CENPC: variants seen among roughly 807,000 people sequenced by gnomAD.
CENPC encodes the protein centromere protein C.
CENPC carries 63 observed loss-of-function variants against 112.1 expected under a neutral mutation model. The ratio of observed to expected loss-of-function variants is 0.56; its 90% CI spans 0.46 to 0.69. The LOEUF is 0.69. Ranked by LOEUF, CENPC falls within the 30% of genes least tolerant of loss-of-function variation. CENPC has a pLI of 0.00. For synonymous variants in CENPC, 333 were observed against 367.6 expected, an observed-to-expected ratio of 0.91 and a Z score of 1.08; for missense variants, 1,000 against 1,103.8, an observed-to-expected ratio of 0.91 and a Z score of 1.33.
intron 12 of CENPC, among the ~76,000 whole-genome samples, chr4:67,497,168 A>C (rs1039789761): frequency 6.6e-6 from 1 of 152,056 alleles, no homozygotes; most frequent in Non-Finnish European, 1.5e-5. Context: ...TCAGGAGGTC[A>C]GGAGTTCGAG....
intron 5 of CENPC, among the ~76,000 whole-genome samples, chr4:67,521,963 T>C (rs1726241535): frequency 6.6e-6 from 1 of 152,156 alleles, no homozygotes; most frequent in African/African-American, 2.4e-5. Flanking sequence ...ATGGGTACAG[T>C]GTTTCAGTTG....
At chr4:67,532,743 G>A (rs1481519869) in intron 4 of CENPC, among the ~76,000 whole-genome samples, 1 of 151,694 alleles carries the variant, frequency 6.6e-6, no homozygotes, top group Non-Finnish European at 1.5e-5. Context: ...ACCAGGGCCT[G>A]CTGGGGGGTA....
chr4:67,501,714 C>T (rs946926985), intron 12 of CENPC, among the ~76,000 whole-genome samples: 4 of 152,080 alleles, frequency 2.6e-5, no homozygotes, highest in African/African-American at 9.7e-5. Context: ...GTAGTTATAT[C>T]CTTGTCTTGC....
intron 4 of CENPC, among the ~76,000 whole-genome samples, chr4:67,535,605 A>G (rs1726695411): frequency 6.6e-6 from 1 of 152,178 alleles, no homozygotes; most frequent in Admixed American, 6.6e-5. Flanking sequence ...TCAAGAGAAA[A>G]TTAAGAACTG....
chr4:67,540,692 T>C (rs764931182), intron 3 of CENPC, among the ~76,000 whole-genome samples: 11 of 152,082 alleles, frequency 7.2e-5, no homozygotes, highest in Admixed American at 2.0e-4. Context: ...AATAATAAAA[T>C]ACTTTTTCTT....
intron 12 of CENPC, among the ~76,000 whole-genome samples, chr4:67,499,640 T>C (rs949257380): frequency 1.3e-5 from 2 of 152,204 alleles, no homozygotes; most frequent in African/African-American, 4.8e-5. Flanking sequence ...CTGAAACCTC[T>C]ATATCAGCAG....
At chr4:67,542,856 T>C (rs944949305) in intron 2 of CENPC, among the ~76,000 whole-genome samples, 1 of 152,198 alleles carries the variant, frequency 6.6e-6, no homozygotes, top group African/African-American at 2.4e-5. Flanking sequence ...TGCTATTACC[T>C]GTTTCAAGGA....
Position 67,504,067 on chromosome 4 carries a change from G to T in CENPC, c.2131+1138C>A, listed in dbSNP as rs983160208. ...TTCTTACTCAAGATAATATAGTGATGCTTCCCGATCAGTGGTGAATGGGGC... is the reference window on the plus strand; with the variant it reads ...TTCTTACTCAAGATAATATAGTGATTCTTCCCGATCAGTGGTGAATGGGGC... On this transcript the variant is annotated intron_variant, in intron 12 of 18. Coordinates refer to ENST00000273853, the MANE Select transcript of CENPC (RefSeq NM_001812.4). Among the ~76,000 whole-genome samples the T allele has an allele frequency of 1.0e-4, 14 of 136,348 alleles. No homozygotes were observed. The Admixed American group carries it at 1.2e-3, about 11-fold the overall frequency. 89.4% of individuals were successfully genotyped at this position (136,348 alleles called of 152,430 possible). A position where few individuals can be genotyped will look rare whatever the true frequency, so the allele number is the denominator to read the frequency against.
intron 6 of CENPC, among the ~76,000 whole-genome samples, chr4:67,518,902 A>G (rs1726137114): frequency 6.6e-6 from 1 of 152,186 alleles, no homozygotes; most frequent in Non-Finnish European, 1.5e-5. Flanking sequence ...GACCTGATAC[A>G]CATCTACACT....
In CENPC at chr4:67,545,454, G is replaced by A. The variant is rs1727008316; in HGVS notation, c.-99C>T. 1.2e-5 allele frequency: 16 copies of A among 1,304,180 alleles called. No individual in the cohort carries two copies. Among genetic ancestry groups the A allele is most frequent in the Admixed American group, 2.8e-5 (1 of 35,088 alleles). The allele number at this position is 1,304,180 out of a possible 1,614,324, so 80.8% of individuals were successfully genotyped here. On this transcript the variant is annotated 5_prime_UTR_variant, in exon 1 of 19. Transcript: ENST00000273853. ...CAAGAAACGAATCGCCGGAATACCA[G>A]GCCGCGGCCAAGCAATAACCTTAAG...
chr4:67,492,186 G>T lies in CENPC; in HGVS notation c.2509C>A (p.Leu837Ile). The T allele has an allele frequency of 6.4e-7, 1 of 1,553,088 alleles. No homozygotes were observed. Among genetic ancestry groups the T allele is most frequent in the Admixed American group, 1.9e-5 (1 of 52,284 alleles). Residue 837 changes from leucine (L) to isoleucine (I), a missense_variant, in exon 16 of 19, where the codon CTC becomes ATC. Leu to Ile is a conservative substitution (Grantham distance 5). Transcript: ENST00000273853. The part of the protein sequence containing the change: ...VKDPETREII[L>I]MDLVRPQDTY... The stretch of plus-strand genomic sequence containing the variant: ...GTATCATGCCTGATCTTACCCATGA[G>T]AATAATCTCTCTTGTTTCTGGGTCC...
intron 5 of CENPC, among the ~76,000 whole-genome samples, chr4:67,530,140 G>A (rs1726502427): frequency 6.6e-6 from 1 of 152,044 alleles, no homozygotes; most frequent in African/African-American, 2.4e-5. Flanking sequence ...TCTAAGTTGG[G>A]ATAAGACAGA....
rs935774499 is a variant in CENPC, at chr4:67,487,866, G to A, written c.2670+2101C>T. On this transcript the variant is annotated intron_variant, in intron 17 of 18. Transcript: ENST00000273853. ...AAATATTCTCTAGCAGTGTTTGAAAGAGAGTTAATGGCCTATGCTGGTTCT... is the reference window on the plus strand; with the variant it reads ...AAATATTCTCTAGCAGTGTTTGAAAAAGAGTTAATGGCCTATGCTGGTTCT... Among the ~76,000 whole-genome samples the A allele has an allele frequency of 1.1e-4, 16 of 151,550 alleles. 1 individual carries two copies. The highest frequency in any genetic ancestry group is 3.7e-4 in the African/African-American group (15 of 41,046).
chr4:67,478,657 CA>C (rs1724871605), intron 17 of CENPC, among the ~76,000 whole-genome samples: 35 of 151,518 alleles, frequency 2.3e-4, no homozygotes, highest in Admixed American at 7.2e-4. Flanking sequence ...CACACACACA[CA>C]CACACACACC....
chr4:67,529,642 A>G (rs1726487644), intron 5 of CENPC, among the ~76,000 whole-genome samples: 1 of 152,130 alleles, frequency 6.6e-6, no homozygotes, highest in Non-Finnish European at 1.5e-5. Context: ...TAACATTTTT[A>G]TAAGAAAGAA....
At position 67,490,837 on chromosome 4, in the gene CENPC, A is replaced by T. The variant is rs867127300; in HGVS notation, c.2516-716T>A. 3.0e-3 allele frequency among the ~76,000 whole-genome samples: 171 copies of T among 57,050 alleles called. No individual in the cohort carries two copies. The South Asian group carries it at 0.052, about 17-fold the overall frequency. 37.4% of individuals were successfully genotyped at this position (57,050 alleles called of 152,430 possible). A position where few individuals can be genotyped will look rare whatever the true frequency, so the allele number is the denominator to read the frequency against. ...CTACAGACTACATGATATAGAAATA[A>T]ATATATATATATATATATATATATA... On this transcript the variant is annotated intron_variant, in intron 16 of 18. Coordinates refer to ENST00000273853, the MANE Select transcript of CENPC (RefSeq NM_001812.4).
At position 67,518,216 on chromosome 4, in the gene CENPC, T is replaced by A; in HGVS notation, c.770A>T (p.Gln257Leu). The A allele has an allele frequency of 6.4e-7, 1 of 1,558,568 alleles. No individual in the cohort carries two copies. The highest frequency in any genetic ancestry group is 8.7e-7 in the Non-Finnish European group (1 of 1,152,026). ...CAATGTTGAAAAACTTTTTTTAGCT[T>A]GTCGTTGAATTTCATATTCTGAATC... ...IRDSEYEIQR[Q>L]AKKSFSTLFL... The change falls in exon 7 of 19, where the codon CAA becomes CTA. Residue 257 changes from glutamine (Q) to leucine (L), a missense_variant. Transcript: ENST00000273853.
At chr4:67,498,293 AG>A (rs1208070456) in intron 12 of CENPC, among the ~76,000 whole-genome samples, 1 of 152,166 alleles carries the variant, frequency 6.6e-6, no homozygotes, top group African/African-American at 2.4e-5. Context: ...GCTTTCAGTG[AG>A]TTTTAATCTT....
At chr4:67,509,470 T>C (rs12501029) in intron 9 of CENPC, among the ~76,000 whole-genome samples, 32,216 of 152,098 alleles carry the variant, frequency 0.21, 4,140 homozygotes, top group Middle Eastern at 0.36. Context: ...CGGACTTATC[T>C]ACCCAGAGCT....
Sources: gnomAD v4.1 joint callset for allele counts (sites outside exome capture counted in the v4.1 genomes callset) on GRCh38, gnomAD v4.1.1 for gene constraint, MANE v1.5 for transcripts, NCBI Gene and HGNC (gene_info 2026-07-23, HGNC 2026-07-21) for gene names.